Variants in ZFHX2 observed in about 807,000 individuals in gnomAD.
ZFHX2 encodes the protein zinc finger homeobox 2, also known as zinc finger homeobox protein 2.
Under a neutral mutation model 164.8 loss-of-function variants are expected in ZFHX2, and 75 were observed. The ratio of observed to expected loss-of-function variants is 0.46; its 90% confidence interval spans 0.38 to 0.55. ZFHX2 has a LOEUF of 0.55. Ranked by LOEUF, ZFHX2 falls within the 20% of genes least tolerant of loss-of-function variation. The pLI, the probability that ZFHX2 is intolerant of heterozygous loss-of-function variation, is 0.00. For missense variants in ZFHX2, 2,933 were observed against 3,308.0 expected, an observed-to-expected ratio of 0.89 and a Z score of 2.78; for synonymous variants, 1,217 against 1,351.4, an observed-to-expected ratio of 0.90 and a Z score of 2.18.
Position 23,526,340 on chromosome 14 carries a change from G to C in ZFHX2, c.3602C>G (p.Thr1201Ser). ...ATGAACCAACAGAATATTCTTCTGG[G>C]TGAAGGACTCCTTACACACAGTGCA... ...YKCTVCKESFTQKNILLVHYN... is the reference protein window; with the variant it reads ...YKCTVCKESFSQKNILLVHYN... Residue 1201 changes from threonine to serine, a missense_variant, in exon 9 of 10, where the codon ACC becomes AGC. Physicochemically the swap from Thr to Ser is moderately conservative, Grantham distance 58. Transcript: ENST00000419474. The C allele has an allele frequency of 6.5e-7, 1 of 1,536,308 alleles. No homozygotes were observed. The highest frequency in any genetic ancestry group is 8.7e-7 in the Non-Finnish European group (1 of 1,146,924).
intron 1 of ZFHX2, among the ~76,000 whole-genome samples, chr14:23,547,397 G>A (rs1881502559): frequency 6.6e-6 from 1 of 152,204 alleles, no homozygotes; most frequent in African/African-American, 2.4e-5. Flanking sequence ...TTCATGATTG[G>A]GAATGGGGTG....
chr14:23,523,228 C>A lies in ZFHX2; in HGVS notation c.6714G>T (p.Leu2238=). 7.0e-7 allele frequency: 1 copy of A among 1,431,242 alleles called. No individual in the cohort carries two copies. Among genetic ancestry groups the A allele is most frequent in the South Asian group, 1.5e-5 (1 of 66,416 alleles). The allele number at this position is 1,431,242 out of a possible 1,614,324, so 88.7% of individuals were successfully genotyped here. The change falls in exon 9 of 10, where the codon CTG becomes CTT. Residue 2238 remains leucine, a synonymous_variant. Transcript: ENST00000419474. The surrounding 1 kb of genome is among the most constrained non-coding windows in gnomAD (Gnocchi z 4.1). The part of the protein sequence containing the change: ...LSGPALAQPP[L]GNLAPFNSGP... ...CTGAATTGAAAGGAGCTAAGTTGCCCAGCGGGGGCTGAGCCAGAGCTGGGC... is the reference window on the plus strand; with the variant it reads ...CTGAATTGAAAGGAGCTAAGTTGCCAAGCGGGGGCTGAGCCAGAGCTGGGC...
intron 3 of ZFHX2, chr14:23,531,968 G>A (rs1176757742): frequency 1.9e-5 from 6 of 323,014 alleles, no homozygotes; most frequent in Non-Finnish European, 3.1e-5. Context: ...TACAGATGGG[G>A]TTTCACCATG....
intron 1 of ZFHX2, among the ~76,000 whole-genome samples, chr14:23,539,063 C>G (rs1451193420): frequency 1.3e-5 from 2 of 152,294 alleles, no homozygotes; most frequent in South Asian, 4.1e-4. Flanking sequence ...ATGAATCTTG[C>G]AGCTCCAAAA....
intron 1 of ZFHX2, among the ~76,000 whole-genome samples, chr14:23,550,411 T>G (rs968938165): frequency 7.9e-5 from 12 of 152,186 alleles, no homozygotes; most frequent in Non-Finnish European, 1.5e-4. Flanking sequence ...CATGGAATCC[T>G]AGACCGACAG....
chr14:23,553,691 G>A (rs927812596), upstream of ZFHX2, among the ~76,000 whole-genome samples: 1 of 151,192 alleles, frequency 6.6e-6, no homozygotes, highest in South Asian at 2.1e-4. Flanking sequence ...TCAGGAGATC[G>A]AGACCATCCT....
At position 23,532,580 on chromosome 14, in the gene ZFHX2, C is replaced by T; in HGVS notation, c.2546G>A (p.Ser849Asn). 2 of 1,442,000 alleles carry T rather than the reference C, an allele frequency of 1.4e-6. No individual in the cohort carries two copies. Among genetic ancestry groups the T allele is most frequent in the Non-Finnish European group, 1.8e-6 (2 of 1,101,244 alleles). The allele number at this position is 1,442,000 out of a possible 1,614,324, so 89.3% of individuals were successfully genotyped here. A position where few individuals can be genotyped will look rare whatever the true frequency, so the allele number is the denominator to read the frequency against. ...HARGAAHEEN[S>N]QIYKFLLDME... ...ACCCAGCCTCACCTTATAGATTTGG[C>T]TGTTTTCTTCGTGGGCTGCACCCCT... Residue 849 changes from serine (S) to asparagine (N), a missense_variant, in exon 3 of 10, where the codon AGC (serine) becomes AAC (asparagine). Ser to Asn is a conservative substitution (Grantham distance 46, BLOSUM62 1). Coordinates refer to ENST00000419474, the MANE Select transcript of ZFHX2 (RefSeq NM_033400.3).
chr14:23,554,549 ATTTT>A (rs35367737), upstream of ZFHX2, among the ~76,000 whole-genome samples: 5 of 135,654 alleles, frequency 3.7e-5, no homozygotes, highest in East Asian at 6.4e-4. Context: ...GCTAATTAAA[ATTTT>A]TTTTTTTTTT....
Position 23,535,235 on chromosome 14 carries a change from TGGA to T in ZFHX2, c.88_90del (p.Ser31del). 6.6e-7 allele frequency: 1 copy of T among 1,520,968 alleles called. No homozygotes were observed. Among genetic ancestry groups the T allele is most frequent in the Non-Finnish European group, 8.8e-7 (1 of 1,135,206 alleles). The allele number at this position is 1,520,968 out of a possible 1,614,324, so 94.2% of individuals were successfully genotyped here. On this transcript the variant is annotated inframe_deletion, in exon 2 of 10. Transcript: ENST00000419474. This position sits in a 1 kb window ranked among gnomAD's most constrained non-coding sequence, Gnocchi z 4.5. ...TTGGTGACAGGATCAGAGGGGGTGC[TGGA>T]GGAGAAGGTGTCCGAAGGCAGGGAC...
At position 23,526,119 on chromosome 14, in the gene ZFHX2, G is replaced by A. The variant is rs769693265; in HGVS notation, c.3823C>T (p.Arg1275Cys). The A allele has an allele frequency of 5.9e-6, 9 of 1,536,370 alleles. No homozygotes were observed. Among genetic ancestry groups the A allele is most frequent in the African/African-American group, 2.7e-5 (2 of 73,006 alleles). ...GAATCAGTCTTGGTTCCCCGAGAGCGAGTCTGATGCAGAACTGACCGCATG... is the reference window on the plus strand; with the variant it reads ...GAATCAGTCTTGGTTCCCCGAGAGCAAGTCTGATGCAGAACTGACCGCATG... ...IHMRSVLHQT[R>C]SRGTKTDSKI... Residue 1275 changes from arginine to cysteine, a missense_variant, in exon 9 of 10, where the codon CGC becomes TGC. Arg to Cys is a radical substitution (Grantham distance 180). Transcript: ENST00000419474.
At chr14:23,552,158 C>T (rs567297063), upstream of ZFHX2, among the ~76,000 whole-genome samples, 121 of 152,272 alleles carry the variant, frequency 7.9e-4, no homozygotes, top group African/African-American at 2.8e-3. Context: ...ACCTTCTCTA[C>T]CGCAGCAATT....
At position 23,532,727 on chromosome 14, in the gene ZFHX2, C is replaced by T. The variant is rs904293923; in HGVS notation, c.2399G>A (p.Gly800Asp). The change falls in exon 3 of 10, where the codon GGC (glycine) becomes GAC (aspartate). Residue 800 changes from glycine to aspartate, a missense_variant. Transcript: ENST00000419474. Reference protein sequence around the residue: ...AHLREGGGAMGTPSPASLGDG... With the variant: ...AHLREGGGAMDTPSPASLGDG... ...TCCCAGGGATGCTGGGGAAGGGGTG[C>T]CCATGGCTCCACCCCCCTCCCGCAG... The T allele has an allele frequency of 6.5e-7, 1 of 1,535,484 alleles. No homozygotes were observed. The highest frequency in any genetic ancestry group is 8.7e-7 in the Non-Finnish European group (1 of 1,146,550).
At position 23,521,128 on chromosome 14, in the gene ZFHX2, T is replaced by C. The variant is rs912129116; in HGVS notation, c.*834A>G. Reference sequence around the variant, plus strand: ...ACGGCCGCTGAGAGGATCTCTGTGTTTAAAGCCTTTGAGAATAAGTTACTG... The same window carrying C: ...ACGGCCGCTGAGAGGATCTCTGTGTCTAAAGCCTTTGAGAATAAGTTACTG... On this transcript the variant is annotated 3_prime_UTR_variant, in exon 10 of 10. Transcript: ENST00000419474. 6.6e-6 allele frequency: 1 copy of C among 152,272 alleles called. No homozygotes were observed. The highest frequency in any genetic ancestry group is 6.5e-5 in the Admixed American group (1 of 15,286). The allele number at this position is 152,272 out of a possible 1,614,324, so 9.4% of individuals were successfully genotyped here.
chr14:23,523,423 C>T lies in ZFHX2; in HGVS notation c.6519G>A (p.Lys2173=). 6.5e-7 allele frequency: 1 copy of T among 1,532,216 alleles called. No homozygotes were observed. The highest frequency in any genetic ancestry group is 2.0e-5 in the Admixed American group (1 of 50,564). 94.9% of individuals were successfully genotyped at this position (1,532,216 alleles called of 1,614,324 possible). ...GHLFSRQHLA[K]LKEAVRAQLK... is the part of the protein sequence containing the mutation. ...GCTGGGCTCGAACCGCCTCCTTGAG[C>T]TTGGCCAGGTGCTGACGGGAAAAGA... Residue 2173 remains lysine, a synonymous_variant, in exon 9 of 10, where the codon AAG becomes AAA. Transcript: ENST00000419474. This position sits in a 1 kb window ranked among gnomAD's most constrained non-coding sequence, Gnocchi z 4.1.
rs1200442332 is a variant in ZFHX2 at position 23,546,884 on chromosome 14, A to G, written c.-50+4459T>C. On this transcript the variant is annotated intron_variant, in intron 1 of 9. Transcript: ENST00000419474. The surrounding 1 kb of genome is among the most constrained non-coding windows in gnomAD (Gnocchi z 4.7). ...CCTTCCTTCAGGCCCCCCGCCCACC[A>G]GCCCCTTCTTTAGCTGCCCTGGCCT... is the stretch of plus-strand genomic sequence containing the variant. Among the ~76,000 whole-genome samples, 1 of 152,116 alleles carries G rather than the reference A, an allele frequency of 6.6e-6. No homozygotes were observed. Among genetic ancestry groups the G allele is most frequent in the African/African-American group, 2.4e-5 (1 of 41,428 alleles).
intron 1 of ZFHX2, among the ~76,000 whole-genome samples, chr14:23,536,681 T>C (rs1466425067): frequency 6.6e-6 from 1 of 152,178 alleles, no homozygotes; most frequent in African/African-American, 2.4e-5. Flanking sequence ...GAAACAGAGA[T>C]GTTAAGTGAG....
rs1277548395 is a variant in ZFHX2, at chr14:23,546,523, G to GT, written c.-50+4819dup. 6.6e-6 allele frequency among the ~76,000 whole-genome samples: 1 copy of GT among 152,138 alleles called. No individual in the cohort carries two copies. Among genetic ancestry groups the GT allele is most frequent in the Non-Finnish European group, 1.5e-5 (1 of 68,022 alleles). ...CATGAGGACCCTGGTCTCTGGACTA[G>GT]TTCCTACATGAGGAAGCCACTGAGA... On this transcript the variant is annotated intron_variant, in intron 1 of 9. Transcript: ENST00000419474. The surrounding 1 kb of genome is among the most constrained non-coding windows in gnomAD (Gnocchi z 4.7).
intron 4 of ZFHX2, 113 bp from the exon 5 acceptor site, chr14:23,530,307 C>G: frequency 1.2e-6 from 1 of 822,432 alleles, no homozygotes; most frequent in Non-Finnish European, 2.0e-6. Flanking sequence ...AAATGGATGG[C>G]TCAATCAGCA....
chr14:23,543,727 T>C (rs966192304), intron 1 of ZFHX2: 12 of 152,082 alleles, frequency 7.9e-5, no homozygotes, highest in Non-Finnish European at 1.5e-4. Flanking sequence ...GAATGATATG[T>C]GTACCCATTT....
Sources: allele counts gnomAD v4.1 joint callset (sites outside exome capture counted in the v4.1 genomes callset), GRCh38; gene constraint gnomAD v4.1.1; non-coding constraint Gnocchi (gnomAD v3.1); transcripts MANE v1.5; gene names NCBI Gene and HGNC (gene_info 2026-07-23, HGNC 2026-07-21).